The following STAT2 variants were observed in gnomAD, a reference collection of about 807,000 sequenced individuals.
The protein encoded by STAT2 is interferon alpha induced transcriptional activator.
In STAT2, 51 loss-of-function variants were observed where a neutral mutation model predicts 122.3. The ratio of observed to expected loss-of-function variants is 0.42; its 90% CI spans 0.33 to 0.53. STAT2 has a LOEUF of 0.53. Ranked by LOEUF, STAT2 falls within the 20% of genes least tolerant of loss-of-function variation. STAT2 has a pLI of 0.10. For missense variants in STAT2, 736 were observed against 1,010.3 expected (o/e 0.73, Z 3.68); for synonymous variants, 351 against 394.9 (o/e 0.89, Z 1.32).
At chr12:56,347,351 T>C (rs886607768) in intron 19 of STAT2, among the ~76,000 whole-genome samples, 4 of 151,534 alleles carry the variant, frequency 2.6e-5, no homozygotes, top group Non-Finnish European at 5.9e-5. Flanking sequence ...CCACCATGCC[T>C]GGCTAACTTT....
intron 8 of STAT2, among the ~76,000 whole-genome samples, chr12:56,354,040 T>TAAA (rs760881337): frequency 1.9e-5 from 1 of 53,358 alleles, no homozygotes; most frequent in African/African-American, 5.4e-5. Flanking sequence ...TATATATATA[T>TAAA]AAAAAATACT....
intron 19 of STAT2, among the ~76,000 whole-genome samples, chr12:56,348,099 T>C (rs1345397894): frequency 6.7e-6 from 1 of 149,888 alleles, no homozygotes; most frequent in East Asian, 2.0e-4. Context: ...TTTTTTTTTT[T>C]TTTTTTTGAG....
chr12:56,346,257 C>G (rs1023123873), intron 21 of STAT2, 54 bp from the exon 22 acceptor site: 1 of 1,607,502 alleles, frequency 6.2e-7, no homozygotes, highest in African/African-American at 1.3e-5. Context: ...GACATATAGC[C>G]TGAGGTTCCC....
chr12:56,343,274 C>T lies in STAT2; in HGVS notation c.*115G>A. The T allele has an allele frequency of 1.4e-6, 2 of 1,451,954 alleles. No individual in the cohort carries two copies. Among genetic ancestry groups the T allele is most frequent in the East Asian group, 2.3e-5 (1 of 43,508 alleles). The allele number at this position is 1,451,954 out of a possible 1,614,324, so 89.9% of individuals were successfully genotyped here. A position where few individuals can be genotyped will look rare whatever the true frequency, so the allele number is the denominator to read the frequency against. ...GGAGTCACACAGGCCTGAGTTTGAACAGTTAACACAGCTTGGAAGGGACAC... is the reference window on the plus strand; with the variant it reads ...GGAGTCACACAGGCCTGAGTTTGAATAGTTAACACAGCTTGGAAGGGACAC... On this transcript the variant is annotated 3_prime_UTR_variant, in exon 24 of 24. Coordinates refer to ENST00000314128, the MANE Select transcript of STAT2 (RefSeq NM_005419.4).
At chr12:56,359,971 A>C in intron 1 of STAT2, 87 bp downstream of exon 1, 7 of 873,592 alleles carry the variant, frequency 8.0e-6, no homozygotes, top group South Asian at 5.2e-5. Flanking sequence ...TCCAGGGGGT[A>C]ACCCCTGGGG....
At position 56,355,692 on chromosome 12, in the gene STAT2, A is replaced by G. The variant is rs754433078; in HGVS notation, c.381+16T>C. ...TACTTCAGGAGTTTCCAACATTACC[A>G]CTGAATTGTCCTCACCAATTGGGCC... is the stretch of plus-strand genomic sequence containing the variant. On this transcript the variant is annotated intron_variant, in intron 4 of 23. Transcript: ENST00000314128. 3 of 1,612,348 alleles carry G rather than the reference A, an allele frequency of 1.9e-6. No individual in the cohort carries two copies. Among genetic ancestry groups the G allele is most frequent in the Non-Finnish European group, 2.5e-6 (3 of 1,178,488 alleles).
intron 8 of STAT2, among the ~76,000 whole-genome samples, chr12:56,353,287 T>C (rs1250310640): frequency 2.0e-5 from 3 of 152,132 alleles, no homozygotes; most frequent in Admixed American, 2.0e-4. Flanking sequence ...CGGACATGCC[T>C]AATTAAAAAA....
At chr12:56,355,888 A>G in intron 3 of STAT2, 85 bp from the exon 4 acceptor site, 6 of 1,414,808 alleles carry the variant, frequency 4.2e-6, no homozygotes, top group African/African-American at 1.4e-5. Flanking sequence ...CAATGTCCAC[A>G]GTATTTCCTC....
chr12:56,346,381 G>A lies in STAT2; in HGVS notation c.2044+61C>T, dbSNP rs987501975. 3 of 1,598,272 alleles carry A rather than the reference G, an allele frequency of 1.9e-6. No individual in the cohort carries two copies. The African/African-American group carries it at 4.0e-5, about 21-fold the overall frequency. On this transcript the variant is annotated intron_variant, in intron 21 of 23. Coordinates refer to ENST00000314128, the MANE Select transcript of STAT2 (RefSeq NM_005419.4). ...TCCCATGCTTTAAAGGAAGGAGTGG[G>A]ATCTATGGATGTCTGGTAGATCTCT... is the stretch of plus-strand genomic sequence containing the variant.
Position 56,346,460 on chromosome 12 carries a change from A to G in STAT2, c.2026T>C (p.Cys676Arg). ...TTCCCACCTTTCTCCTGGTAGTAGC[A>G]CCCAAAAGCTTCATCCCGGGGGATT... is the stretch of plus-strand genomic sequence containing the variant. ...PRIPRDEAFG[C>R]YYQEKVNLQE... is the part of the protein sequence containing the mutation. The change falls in exon 21 of 24, where the codon TGC (cysteine) becomes CGC (arginine). Residue 676 changes from cysteine (C) to arginine (R), a missense_variant. By Grantham distance (180) the Cys-to-Arg change is radical (BLOSUM62 -3). Coordinates refer to ENST00000314128, the MANE Select transcript of STAT2 (RefSeq NM_005419.4). 1.2e-6 allele frequency: 2 copies of G among 1,614,188 alleles called. No homozygotes were observed. Among genetic ancestry groups the G allele is most frequent in the African/African-American group, 1.3e-5 (1 of 75,054 alleles).
rs11575228 is a variant in STAT2 at position 56,358,031 on chromosome 12, G to C, written c.-7-1453C>G. Among the ~76,000 whole-genome samples the C allele has an allele frequency of 9.8e-3, 1,485 of 152,232 alleles. 23 individuals are homozygous for C. The highest frequency in any genetic ancestry group is 0.034 in the African/African-American group (1,393 of 41,546). On this transcript the variant is annotated intron_variant, in intron 1 of 23. Transcript: ENST00000314128. ...TGGTAATTTTCAAATACACACTAGA[G>C]TAGAGTGAATAGTACAAGGATCACC...
At chr12:56,350,320 C>T in intron 12 of STAT2, 92 bp downstream of exon 12, 1 of 1,470,650 alleles carries the variant, frequency 6.8e-7, no homozygotes, top group Non-Finnish European at 9.3e-7. Flanking sequence ...CCAAATCCCC[C>T]TCTTCCTTGT....
intron 23 of STAT2, 98 bp downstream of exon 23, chr12:56,343,727 T>C (rs578178903): frequency 8.3e-6 from 13 of 1,558,598 alleles, no homozygotes; most frequent in Non-Finnish European, 1.1e-5. Context: ...CTCTCTCCAA[T>C]GAGGAGCTTG....
intron 6 of STAT2, 49 bp from the exon 7 acceptor site, chr12:56,354,912 C>T (rs1283380672): frequency 4.5e-6 from 7 of 1,568,302 alleles, no homozygotes; most frequent in Admixed American, 1.7e-5. Flanking sequence ...CCTCTCCTTC[C>T]TGACTGGGGT....
At position 56,343,434 on chromosome 12, in the gene STAT2, G is replaced by A. The variant is rs1876861930; in HGVS notation, c.2511C>T (p.Pro837=). Reference sequence around the variant, plus strand: ...AGGGTCCATCAGTGTAGAAGTGGCTGGGGCGGGAGACGTAAACCTCATCCA... The same window carrying A: ...AGGGTCCATCAGTGTAGAAGTGGCTAGGGCGGGAGACGTAAACCTCATCCA... The part of the protein sequence containing the change: ...NTVDEVYVSR[P]SHFYTDGPLM... Residue 837 remains proline, a synonymous_variant, in exon 24 of 24, where the codon CCC becomes CCT. Transcript: ENST00000314128. The A allele has an allele frequency of 4.3e-6, 7 of 1,614,230 alleles. No homozygotes were observed. Among genetic ancestry groups the A allele is most frequent in the Non-Finnish European group, 5.9e-6 (7 of 1,180,040 alleles).
chr12:56,355,245 T>C (rs1879323994), intron 6 of STAT2, 31 bp downstream of exon 6: 2 of 1,613,768 alleles, frequency 1.2e-6, no homozygotes, highest in Non-Finnish European at 8.5e-7. Flanking sequence ...CAGGCACTTA[T>C]CTTTCTCCAG....
chr12:56,353,001 T>A (rs80009079), intron 8 of STAT2, among the ~76,000 whole-genome samples: 1 of 150,552 alleles, frequency 6.6e-6, no homozygotes, highest in African/African-American at 2.4e-5. Context: ...TTTTTTTTTT[T>A]GAGACGGAGT....
At chr12:56,357,026 ATTTTTTT>A (rs34402362) in intron 1 of STAT2, among the ~76,000 whole-genome samples, 4 of 66,372 alleles carry the variant, frequency 6.0e-5, no homozygotes, top group Admixed American at 5.8e-4. Context: ...CCTAATCTGT[ATTTTTTT>A]TTTTTTTTTT....
rs1268992309 is a variant in STAT2, at chr12:56,356,055, C to T, written c.285+77G>A. On this transcript the variant is annotated intron_variant, in intron 3 of 23. Coordinates refer to ENST00000314128, the MANE Select transcript of STAT2 (RefSeq NM_005419.4). ...CCGTCTCCCTTTCCACCTCCAGGTA[C>T]TATTCTATTCTCCAAACCTTACTCC... is the stretch of plus-strand genomic sequence containing the variant. 9 of 1,549,130 alleles carry T rather than the reference C, an allele frequency of 5.8e-6. No homozygotes were observed. In the African/African-American group the frequency reaches 8.2e-5, roughly 14 times the overall value.
Sources: gnomAD v4.1 joint callset for allele counts (sites outside exome capture counted in the v4.1 genomes callset) on GRCh38, gnomAD v4.1.1 for gene constraint, MANE v1.5 for transcripts, NCBI Gene and HGNC (gene_info 2026-07-23, HGNC 2026-07-21) for gene names.